Variants in SUGCT observed in about 807,000 individuals in gnomAD.
The protein encoded by SUGCT is succinyl-CoA:glutarate-CoA transferase.
Under a neutral mutation model 55.0 loss-of-function variants are expected in SUGCT, and 41 were observed. The observed-to-expected ratio is 0.74, with a 90% CI of 0.58 to 0.97. SUGCT has a LOEUF of 0.97. Ranked by LOEUF, SUGCT falls within the 50% of genes least tolerant of loss-of-function variation. SUGCT has a pLI of 0.00. For missense variants in SUGCT, 568 were observed against 547.8 expected (o/e 1.04, Z -0.37); for synonymous variants, 187 against 200.4 (o/e 0.93, Z 0.56).
intron 8 of SUGCT, among the ~76,000 whole-genome samples, chr7:40,274,991 G>A (rs1026510114): frequency 2.0e-5 from 3 of 151,940 alleles, no homozygotes; most frequent in African/African-American, 7.3e-5. Flanking sequence ...AGTAGAGATG[G>A]GGTTTCTCCA....
chr7:40,659,990 T>C (rs1397585241), intron 12 of SUGCT, among the ~76,000 whole-genome samples: 2 of 152,208 alleles, frequency 1.3e-5, no homozygotes, highest in Non-Finnish European at 2.9e-5. Flanking sequence ...AGTAATTTTT[T>C]TGAAGACGTC....
chr7:40,723,422 G>A (rs1293023597), intron 12 of SUGCT, among the ~76,000 whole-genome samples: 1 of 152,186 alleles, frequency 6.6e-6, no homozygotes, highest in African/African-American at 2.4e-5. Context: ...AGCGGGTGTA[G>A]GGGCTGCGGC....
chr7:40,855,929 T>C (rs1794146656), intron 13 of SUGCT, among the ~76,000 whole-genome samples: 1 of 152,230 alleles, frequency 6.6e-6, no homozygotes. Context: ...TAGCTGCTTG[T>C]ACTCTACTTT....
At chr7:40,439,738 A>G (rs1788397182) in intron 9 of SUGCT, among the ~76,000 whole-genome samples, 2 of 152,176 alleles carry the variant, frequency 1.3e-5, no homozygotes, top group Non-Finnish European at 2.9e-5. Context: ...CCTCCTCGAC[A>G]TGGGAACTCC....
chr7:40,530,651 A>G (rs1471965926), intron 12 of SUGCT, among the ~76,000 whole-genome samples: 1 of 152,218 alleles, frequency 6.6e-6, no homozygotes, highest in African/African-American at 2.4e-5. Flanking sequence ...TTCTTTATAA[A>G]ACACATCTCA....
At chr7:40,500,664 A>G (rs1021129651) in intron 12 of SUGCT, among the ~76,000 whole-genome samples, 1 of 152,172 alleles carries the variant, frequency 6.6e-6, no homozygotes, top group Non-Finnish European at 1.5e-5. Flanking sequence ...TTTTCATCTC[A>G]TTATTTGTAT....
chr7:40,531,720 C>T (rs893993996), intron 12 of SUGCT, among the ~76,000 whole-genome samples: 6 of 152,040 alleles, frequency 3.9e-5, no homozygotes, highest in African/African-American at 1.4e-4. Flanking sequence ...GTCACCCAGG[C>T]TGGAGTGCAG....
In SUGCT at chr7:40,663,519, G is replaced by GTGTGTGTA. The variant is rs777739219; in HGVS notation, c.1090-85912_1090-85911insGTGTATGT. On this transcript the variant is annotated intron_variant, in intron 12 of 13. Transcript: ENST00000335693. ...TGTGTGTGTGTGTGTGTGTGTGTGT[G>GTGTGTGTA]TGTATCATTACTTAAAGGTTTATTT... 5.5e-3 allele frequency among the ~76,000 whole-genome samples: 817 copies of GTGTGTGTA among 148,496 alleles called. 6 individuals carry two copies. Among genetic ancestry groups the GTGTGTGTA allele is most frequent in the South Asian group, 9.4e-3 (45 of 4,770 alleles).
chr7:41,017,406 C>G, the SUGCT span, among the ~76,000 whole-genome samples: 1 of 152,176 alleles, frequency 6.6e-6, no homozygotes, highest in Non-Finnish European at 1.5e-5. Flanking sequence ...CAGTTTCACA[C>G]TTGTCAGTCC....
the SUGCT span, among the ~76,000 whole-genome samples, chr7:40,991,727 GTT>G: frequency 6.6e-6 from 1 of 152,098 alleles, no homozygotes; most frequent in Non-Finnish European, 1.5e-5. Context: ...TGGTTTAAGT[GTT>G]TCAGTATTTT....
intron 11 of SUGCT, among the ~76,000 whole-genome samples, chr7:40,459,934 A>G (rs866494095): frequency 3.9e-5 from 6 of 152,290 alleles, no homozygotes; most frequent in Middle Eastern, 3.4e-3. Flanking sequence ...CTGAATCTGT[A>G]CAAATGGGCT....
chr7:40,380,611 A>T (rs1291826799), intron 9 of SUGCT, among the ~76,000 whole-genome samples: 1 of 152,088 alleles, frequency 6.6e-6, no homozygotes, highest in Non-Finnish European at 1.5e-5. Flanking sequence ...TTCCATCCGA[A>T]TTGGGGGATT....
At chr7:40,448,948 GTGTA>G (rs775685774) in intron 9 of SUGCT, among the ~76,000 whole-genome samples, 100 of 143,968 alleles carry the variant, frequency 6.9e-4, no homozygotes, top group Non-Finnish European at 8.1e-4. Context: ...GTGTGTGTGT[GTGTA>G]TATATATATA....
intron 13 of SUGCT, among the ~76,000 whole-genome samples, chr7:40,767,352 C>G (rs968055349): frequency 6.6e-6 from 1 of 152,100 alleles, no homozygotes; most frequent in African/African-American, 2.4e-5. Flanking sequence ...TAAAAGAAAA[C>G]TATATGGTAT....
intron 13 of SUGCT, among the ~76,000 whole-genome samples, chr7:40,852,278 C>G (rs759198155): frequency 6.6e-6 from 1 of 152,066 alleles, no homozygotes; most frequent in African/African-American, 2.4e-5. Context: ...TCAGTGTGTC[C>G]TCTCATTCTA....
At chr7:40,945,135 G>A in the SUGCT span, among the ~76,000 whole-genome samples, 2 of 152,116 alleles carry the variant, frequency 1.3e-5, no homozygotes, top group Non-Finnish European at 2.9e-5. Context: ...GTGGGTAAAT[G>A]CAATACCCAG....
chr7:40,456,031 T>C (rs1447031387), intron 10 of SUGCT, among the ~76,000 whole-genome samples: 1 of 152,076 alleles, frequency 6.6e-6, no homozygotes, highest in African/African-American at 2.4e-5. Flanking sequence ...TTTATTTATT[T>C]ATTTTTATTT....
chr7:40,904,198 G>C, the SUGCT span, among the ~76,000 whole-genome samples: 1 of 152,154 alleles, frequency 6.6e-6, no homozygotes, highest in Non-Finnish European at 1.5e-5. Flanking sequence ...ATGTTTTTAC[G>C]ACTGAGTTTG....
chr7:40,191,263 C>T (rs915558501), intron 5 of SUGCT, among the ~76,000 whole-genome samples: 4 of 152,078 alleles, frequency 2.6e-5, no homozygotes, highest in African/African-American at 4.8e-5. Context: ...GTGATCCACC[C>T]GCCTCGGCCT....
Sources: allele counts gnomAD v4.1 joint callset (sites outside exome capture counted in the v4.1 genomes callset), GRCh38; gene constraint gnomAD v4.1.1; transcripts MANE v1.5; gene names NCBI Gene and HGNC (gene_info 2026-07-23, HGNC 2026-07-21).